The following RALB variants were observed in gnomAD, a reference collection of about 807,000 sequenced individuals.
The protein encoded by RALB is ras-related protein Ral-B.
RALB carries 16 observed loss-of-function variants against 21.3 expected under a neutral mutation model. That is an observed-to-expected ratio of 0.75 (90% CI 0.51 to 1.14). The LOEUF (loss-of-function observed/expected upper bound fraction) is 1.14. Among genes scored for constraint, RALB ranks in the 50% most tolerant of loss-of-function variants. The pLI, the probability that RALB is intolerant of heterozygous loss-of-function variation, is 0.00. For synonymous variants in RALB, 93 were observed against 96.1 expected (o/e 0.97, Z 0.19); for missense variants, 161 against 256.2 (o/e 0.63, Z 2.54).
chr2:120,277,463 T>C (rs1558953389), intron 1 of RALB, among the ~76,000 whole-genome samples: 2 of 151,016 alleles, frequency 1.3e-5, no homozygotes, highest in East Asian at 3.9e-4. Flanking sequence ...TGTTAGAGCA[T>C]GTATGTGGTG....
At chr2:120,272,447 TAG>T (rs1689688049) in intron 1 of RALB, among the ~76,000 whole-genome samples, 1 of 152,108 alleles carries the variant, frequency 6.6e-6, no homozygotes. Context: ...CACTGATGGG[TAG>T]AGAGAGGGAC....
chr2:120,276,717 A>C (rs1689805183), intron 1 of RALB, among the ~76,000 whole-genome samples: 1 of 152,146 alleles, frequency 6.6e-6, no homozygotes, highest in Non-Finnish European at 1.5e-5. Flanking sequence ...GATGGGATGG[A>C]AAACAACATT....
intron 3 of RALB, among the ~76,000 whole-genome samples, chr2:120,288,323 T>G (rs1359758096): frequency 6.6e-6 from 1 of 151,020 alleles, no homozygotes; most frequent in Non-Finnish European, 1.5e-5. Flanking sequence ...GCACTTAAAT[T>G]GACTACATGA....
intron 1 of RALB, among the ~76,000 whole-genome samples, chr2:120,259,337 T>C (rs1391756830): frequency 6.6e-6 from 1 of 152,154 alleles, no homozygotes; most frequent in South Asian, 2.1e-4. Context: ...GCGTTTACAA[T>C]CCCTGAGCTA....
chr2:120,290,734 A>C (rs758633426), intron 4 of RALB, among the ~76,000 whole-genome samples: 1 of 152,100 alleles, frequency 6.6e-6, no homozygotes, highest in African/African-American at 2.4e-5. Flanking sequence ...AATGCTGACA[A>C]TTTGAAAATC....
At chr2:120,284,430 C>A (rs758819569) in intron 2 of RALB, among the ~76,000 whole-genome samples, 20 of 149,622 alleles carry the variant, frequency 1.3e-4, no homozygotes, top group Non-Finnish European at 2.7e-4. Context: ...TGTAGTTTTT[C>A]TCTTGTTGCC....
chr2:120,292,223 T>TA (rs1690321376), intron 4 of RALB, among the ~76,000 whole-genome samples: 2 of 151,404 alleles, frequency 1.3e-5, no homozygotes, highest in Non-Finnish European at 2.9e-5. Context: ...GTCGGAGGAG[T>TA]GGTTGTCCTG....
At chr2:120,248,168 C>G (rs1241030930), upstream of RALB, among the ~76,000 whole-genome samples, 1 of 152,166 alleles carries the variant, frequency 6.6e-6, no homozygotes, top group African/African-American at 2.4e-5. Context: ...ATGGCTGTTC[C>G]CCCATCTGTA....
At chr2:120,284,420 T>C (rs1314886319) in intron 2 of RALB, among the ~76,000 whole-genome samples, 1 of 151,756 alleles carries the variant, frequency 6.6e-6, no homozygotes, top group Non-Finnish European at 1.5e-5. Context: ...TTTTTTGAGA[T>C]GTAGTTTTTC....
At chr2:120,270,242 C>T (rs2104615087) in intron 1 of RALB, among the ~76,000 whole-genome samples, 1 of 152,200 alleles carries the variant, frequency 6.6e-6, no homozygotes, top group South Asian at 2.1e-4. Context: ...TTGAATTAAA[C>T]ATTTCTTACC....
At chr2:120,265,920 C>T (rs3896632) in intron 1 of RALB, among the ~76,000 whole-genome samples, 69,428 of 152,072 alleles carry the variant, frequency 0.46, 17,448 homozygotes, top group Middle Eastern at 0.67. Flanking sequence ...GTCTCCACGG[C>T]TGCCTCTTCA....
intron 1 of RALB, among the ~76,000 whole-genome samples, chr2:120,272,480 A>G (rs894467250): frequency 6.6e-6 from 1 of 152,228 alleles, no homozygotes; most frequent in Non-Finnish European, 1.5e-5. Context: ...TGGATTTGTG[A>G]TAAAGCAAAT....
rs758004136 is a variant in RALB at position 120,253,035 on chromosome 2, G to T, written c.-48+55G>T. 6.4e-6 allele frequency: 6 copies of T among 944,022 alleles called. No individual in the cohort carries two copies. In the South Asian group the frequency reaches 1.9e-4, roughly 31 times the overall value. 58.5% of individuals were successfully genotyped at this position (944,022 alleles called of 1,614,324 possible). ...CGGGGTGGGGCGCGGGCTGGGGAGT[G>T]GGGTACGCCGCACGCCCGCAGCCTC... On this transcript the variant is annotated intron_variant, in intron 1 of 4. Transcript: ENST00000272519.
intron 2 of RALB, among the ~76,000 whole-genome samples, chr2:120,282,995 A>C (rs1222531512): frequency 2.0e-5 from 3 of 151,940 alleles, no homozygotes; most frequent in Non-Finnish European, 4.4e-5. Flanking sequence ...AACCTAGCTG[A>C]TTATAGAATT....
chr2:120,241,459 C>T (rs967534108), intron 1 of RALB, among the ~76,000 whole-genome samples: 2 of 152,234 alleles, frequency 1.3e-5, no homozygotes, highest in African/African-American at 2.4e-5. Context: ...GGCATGGTGG[C>T]TCATGCCTGT....
chr2:120,259,569 T>C (rs924613089), intron 1 of RALB, among the ~76,000 whole-genome samples: 5 of 151,848 alleles, frequency 3.3e-5, no homozygotes, highest in African/African-American at 7.3e-5. Context: ...AGAGTGTCGA[T>C]TGGTGCACTC....
intron 2 of RALB, among the ~76,000 whole-genome samples, chr2:120,284,676 G>A (rs995729028): frequency 1.3e-5 from 2 of 151,750 alleles, no homozygotes; most frequent in Non-Finnish European, 2.9e-5. Context: ...AATTTAATAG[G>A]TTTTTTTTGT....
intron 1 of RALB, chr2:120,253,752 T>TGC: frequency 1.0e-6 from 1 of 976,434 alleles, no homozygotes; most frequent in Non-Finnish European, 1.2e-6. Context: ...GGGAGAGAAG[T>TGC]GCTTGTGCCT....
At chr2:120,248,060 G>A (rs1450281918), upstream of RALB, among the ~76,000 whole-genome samples, 1 of 152,220 alleles carries the variant, frequency 6.6e-6, no homozygotes, top group East Asian at 1.9e-4. Context: ...GAGGGGTGGT[G>A]AAACGCAGAG....
Sources: gnomAD v4.1 joint callset for allele counts (sites outside exome capture counted in the v4.1 genomes callset) on GRCh38, gnomAD v4.1.1 for gene constraint, MANE v1.5 for transcripts, NCBI Gene and HGNC (gene_info 2026-07-23, HGNC 2026-07-21) for gene names.